The following CPXM2 variants were observed in gnomAD, a reference collection of about 807,000 sequenced individuals.
The protein encoded by CPXM2 is carboxypeptidase X, M14 family member 2.
A neutral mutation model predicts 86.1 loss-of-function variants in CPXM2; 66 were observed. The observed-to-expected ratio is 0.77, with a 90% CI of 0.63 to 0.94. The LOEUF (loss-of-function observed/expected upper bound fraction) is 0.94. Ranked by LOEUF, CPXM2 falls within the 40% of genes least tolerant of loss-of-function variation. The pLI is 0.00. For missense variants in CPXM2, 948 were observed against 1,026.3 expected (o/e 0.92, Z 1.04); for synonymous variants, 388 against 400.2 (o/e 0.97, Z 0.36).
At chr10:123,787,388 C>CT (rs935693267) in intron 6 of CPXM2, among the ~76,000 whole-genome samples, 36 of 150,308 alleles carry the variant, frequency 2.4e-4, no homozygotes, top group East Asian at 7.8e-4. Context: ...CTACATGAGA[C>CT]TTTTTTTTTT....
chr10:123,893,128 C>T (rs935348615), upstream of CPXM2, among the ~76,000 whole-genome samples: 1 of 152,168 alleles, frequency 6.6e-6, no homozygotes, highest in Non-Finnish European at 1.5e-5. Context: ...TGCCAGGTTC[C>T]GTAACTATCT....
At chr10:123,800,085 T>C (rs1250278261) in intron 4 of CPXM2, among the ~76,000 whole-genome samples, 10 of 151,400 alleles carry the variant, frequency 6.6e-5, no homozygotes, top group Admixed American at 6.6e-4. Context: ...TTGGAATCCT[T>C]TTCCTACTTG....
intron 2 of CPXM2, among the ~76,000 whole-genome samples, chr10:123,917,429 A>T (rs77398361): frequency 0.013 from 1,971 of 152,348 alleles, 23 homozygotes; most frequent in Non-Finnish European, 0.019. Context: ...AGTTGGAGAG[A>T]GCCTGCGGAC....
chr10:123,835,215 G>A (rs553597255), intron 4 of CPXM2, among the ~76,000 whole-genome samples: 75 of 152,306 alleles, frequency 4.9e-4, no homozygotes, highest in African/African-American at 1.7e-3. Context: ...CAAAGGCAGA[G>A]TGTGCCCAGC....
chr10:123,798,059 C>T lies in CPXM2; in HGVS notation c.806G>A (p.Arg269His), dbSNP rs774426425. The change falls in exon 6 of 14, where the codon CGC becomes CAC. Residue 269 changes from arginine (R) to histidine (H), a missense_variant. Arg to His is a conservative substitution (Grantham distance 29). Coordinates refer to ENST00000241305, the MANE Select transcript of CPXM2 (RefSeq NM_198148.3). ...GGACTGAGGGTTTATGCGGATGTAG[C>T]GGGCCACCATGGGGACGGGTAGCTC... ...LNELPVPMVA[R>H]YIRINPQSWF... 25 of 1,611,556 alleles carry T rather than the reference C, an allele frequency of 1.6e-5. No individual in the cohort carries two copies. The highest frequency in any genetic ancestry group is 1.6e-4 in the Middle Eastern group (1 of 6,084).
intron 2 of CPXM2, among the ~76,000 whole-genome samples, chr10:123,873,991 C>T (rs144471190): frequency 0.02 from 3,048 of 151,572 alleles, 48 homozygotes; most frequent in Middle Eastern, 0.037. Flanking sequence ...TCCTGAGTAG[C>T]TGGGACTACA....
intron 2 of CPXM2, among the ~76,000 whole-genome samples, chr10:123,930,877 A>C (rs1945661607): frequency 6.6e-6 from 1 of 152,206 alleles, no homozygotes; most frequent in Non-Finnish European, 1.5e-5. Context: ...GTAGCCCGGG[A>C]GGTCTCCAGA....
intron 4 of CPXM2, among the ~76,000 whole-genome samples, chr10:123,835,811 G>T (rs1016461780): frequency 6.6e-6 from 1 of 152,198 alleles, no homozygotes; most frequent in African/African-American, 2.4e-5. Context: ...TGCCATGTGG[G>T]CCCAGGTCCC....
intron 13 of CPXM2, chr10:123,751,147 G>A (rs959679750): frequency 3.4e-5 from 25 of 743,796 alleles, no homozygotes; most frequent in African/African-American, 1.3e-4. Context: ...TTGCCTGAGC[G>A]TGTGGCTAGG....
At chr10:123,872,979 G>A (rs1271013410) in intron 2 of CPXM2, among the ~76,000 whole-genome samples, 1 of 150,948 alleles carries the variant, frequency 6.6e-6, no homozygotes, top group East Asian at 1.9e-4. Context: ...TTTTAAATAA[G>A]GCCAAATAGC....
chr10:123,749,335 T>C (rs1451119567), intron 13 of CPXM2, among the ~76,000 whole-genome samples: 2 of 152,010 alleles, frequency 1.3e-5, no homozygotes, highest in African/African-American at 2.4e-5. Context: ...AGCTGAGCAG[T>C]GAAAGAAACC....
chr10:123,935,820 A>C (rs1005542393), intron 2 of CPXM2, among the ~76,000 whole-genome samples: 4 of 151,826 alleles, frequency 2.6e-5, no homozygotes, highest in Non-Finnish European at 5.9e-5. Flanking sequence ...CAGCATCTTC[A>C]TCGCCATCAT....
chr10:123,820,783 T>C (rs1847909390), intron 4 of CPXM2, among the ~76,000 whole-genome samples: 1 of 152,184 alleles, frequency 6.6e-6, no homozygotes, highest in African/African-American at 2.4e-5. Flanking sequence ...AGTGCATGTC[T>C]CTAACCATTC....
At chr10:123,886,376 G>A (rs563162430) in intron 1 of CPXM2, among the ~76,000 whole-genome samples, 150 of 152,254 alleles carry the variant, frequency 9.9e-4, no homozygotes, top group African/African-American at 3.4e-3. Context: ...GCTTAAATGT[G>A]AAGCCCTTTT....
chr10:123,751,183 C>T (rs370332108), intron 13 of CPXM2: 7 of 339,824 alleles, frequency 2.1e-5, no homozygotes, highest in East Asian at 1.7e-4. Context: ...GCGCCACTGA[C>T]GAGAGTGCAG....
intron 1 of CPXM2, among the ~76,000 whole-genome samples, chr10:123,881,230 T>C (rs111385666): frequency 0.11 from 6,186 of 56,778 alleles, 1,379 homozygotes; most frequent in African/African-American, 0.17. Context: ...GGAGCACCCT[T>C]CTCTTCCCTT....
intron 4 of CPXM2, among the ~76,000 whole-genome samples, chr10:123,816,787 C>T (rs111600135): frequency 1.6e-4 from 25 of 152,316 alleles, no homozygotes; most frequent in East Asian, 1.4e-3. Flanking sequence ...ATTAACTCTC[C>T]GGCTTTGTAT....
intron 4 of CPXM2, among the ~76,000 whole-genome samples, chr10:123,832,702 C>T (rs1187092349): frequency 6.6e-6 from 1 of 151,938 alleles, no homozygotes; most frequent in African/African-American, 2.4e-5. Context: ...TGGTACACGC[C>T]TATAATACCA....
chr10:123,757,633 T>TA (rs1846245736), intron 11 of CPXM2, among the ~76,000 whole-genome samples: 2 of 152,200 alleles, frequency 1.3e-5, no homozygotes, highest in Admixed American at 1.3e-4. Context: ...GCTATTTAGA[T>TA]AAAATACTTT....
Sources: allele counts gnomAD v4.1 joint callset (sites outside exome capture counted in the v4.1 genomes callset), GRCh38; gene constraint gnomAD v4.1.1; transcripts MANE v1.5; gene names NCBI Gene and HGNC (gene_info 2026-07-23, HGNC 2026-07-21).